MLLT3: variants seen among roughly 807,000 people sequenced by gnomAD.
MLLT3 encodes protein AF-9.
Under a neutral mutation model 53.2 loss-of-function variants are expected in MLLT3, and 4 were observed. The observed-to-expected ratio is 0.08, with a 90% CI of 0.04 to 0.17. The LOEUF is 0.17. Among genes scored for constraint, MLLT3 ranks in the 10% least tolerant of loss-of-function variants. The probability of loss-of-function intolerance (pLI) is 1.00; values close to 1 mark genes in which losing one functional copy is unlikely to be tolerated. For synonymous variants in MLLT3, 283 were observed against 230.6 expected, an observed-to-expected ratio of 1.23 and a Z score of -2.06; for missense variants, 569 against 684.0, an observed-to-expected ratio of 0.83 and a Z score of 1.87.
intron 2 of MLLT3, among the ~76,000 whole-genome samples, chr9:20,509,859 G>C (rs1587007827): frequency 6.8e-6 from 1 of 146,810 alleles, no homozygotes; most frequent in East Asian, 2.0e-4. Flanking sequence ...ATAATGATCA[G>C]GGTACAATTA....
chr9:20,509,575 TG>T (rs1825473612), intron 2 of MLLT3, among the ~76,000 whole-genome samples: 1 of 152,210 alleles, frequency 6.6e-6, no homozygotes, highest in Non-Finnish European at 1.5e-5. Flanking sequence ...CTTGAGGTTT[TG>T]GCTTTTGTTT....
intron 2 of MLLT3, among the ~76,000 whole-genome samples, chr9:20,532,368 A>C (rs1486926302): frequency 6.6e-6 from 1 of 152,214 alleles, no homozygotes; most frequent in Non-Finnish European, 1.5e-5. Flanking sequence ...AACAACTGTG[A>C]AAATTTGTGG....
At chr9:20,601,163 C>G (rs1820412434) in intron 2 of MLLT3, among the ~76,000 whole-genome samples, 1 of 152,050 alleles carries the variant, frequency 6.6e-6, no homozygotes, top group African/African-American at 2.4e-5. Context: ...TCACTTTGGG[C>G]TACCCACTTA....
In MLLT3 at chr9:20,346,394, CCAA is replaced by C; in HGVS notation, c.*46_*48del. 2 of 1,208,550 alleles carry C rather than the reference CCAA, an allele frequency of 1.7e-6. No homozygotes were observed. Among genetic ancestry groups the C allele is most frequent in the South Asian group, 2.3e-5 (1 of 44,166 alleles). The allele number at this position is 1,208,550 out of a possible 1,614,324, so 74.9% of individuals were successfully genotyped here. On this transcript the variant is annotated 3_prime_UTR_variant, in exon 11 of 11. Transcript: ENST00000380338. Reference sequence around the variant, plus strand: ...AAATCACAACCAAAAAAAAAAAAAACCAAAAAAAAAAAACACAATAGTTCTTGA... The same window carrying C: ...AAATCACAACCAAAAAAAAAAAAAACAAAAAAAAAACACAATAGTTCTTGA...
intron 10 of MLLT3, among the ~76,000 whole-genome samples, chr9:20,353,315 T>A (rs1821082912): frequency 6.6e-6 from 1 of 152,126 alleles, no homozygotes; most frequent in Non-Finnish European, 1.5e-5. Flanking sequence ...TCCACTGCAC[T>A]AGAGGAGGGA....
chr9:20,408,246 C>T (rs1207065222), intron 5 of MLLT3, among the ~76,000 whole-genome samples: 1 of 151,418 alleles, frequency 6.6e-6, no homozygotes, highest in Admixed American at 6.6e-5. Context: ...TGTACTGAAA[C>T]ACGGAAACAA....
At chr9:20,496,941 C>G (rs145342058) in intron 2 of MLLT3, among the ~76,000 whole-genome samples, 3 of 152,190 alleles carry the variant, frequency 2.0e-5, no homozygotes, top group Non-Finnish European at 4.4e-5. Context: ...CACCACTGAT[C>G]CTCCAACTTC....
intron 5 of MLLT3, among the ~76,000 whole-genome samples, chr9:20,374,064 C>G (rs1413570985): frequency 6.6e-6 from 1 of 151,868 alleles, no homozygotes; most frequent in African/African-American, 2.4e-5. Context: ...ATAATCCACT[C>G]AATTTTTAAA....
intron 2 of MLLT3, among the ~76,000 whole-genome samples, chr9:20,602,806 C>T (rs1044568855): frequency 6.7e-6 from 1 of 149,576 alleles, no homozygotes; most frequent in African/African-American, 2.5e-5. Flanking sequence ...ACAGCATATG[C>T]ACACATATAT....
intron 2 of MLLT3, among the ~76,000 whole-genome samples, chr9:20,588,429 G>T (rs907632857): frequency 2.0e-4 from 31 of 151,984 alleles, no homozygotes; most frequent in African/African-American, 7.0e-4. Flanking sequence ...AAATTACCTT[G>T]GGCAGTATGG....
In MLLT3 at chr9:20,483,698, CTTTTT is replaced by C. The variant is rs10538657; in HGVS notation, c.194-26917_194-26913del. ...ACGAGATAACACAGTCAGTAAAACT[CTTTTT>C]TTTTTTTTTTTTTTTTTTTTCCGAG... On this transcript the variant is annotated intron_variant, in intron 2 of 10. Transcript: ENST00000380338. Among the ~76,000 whole-genome samples the C allele has an allele frequency of 2.5e-3, 172 of 68,934 alleles. 2 individuals carry two copies. The highest frequency in any genetic ancestry group is 9.9e-3 in the African/African-American group (160 of 16,134). The allele number at this position is 68,934 out of a possible 152,430, so 45.2% of individuals were successfully genotyped here. A position where few individuals can be genotyped will look rare whatever the true frequency, so the allele number is the denominator to read the frequency against.
intron 2 of MLLT3, among the ~76,000 whole-genome samples, chr9:20,609,244 C>G (rs1246627228): frequency 6.6e-6 from 1 of 151,750 alleles, no homozygotes; most frequent in East Asian, 1.9e-4. Context: ...AAAAGTTATA[C>G]AGCATGTTAC....
chr9:20,467,674 G>A (rs962775724), intron 2 of MLLT3, among the ~76,000 whole-genome samples: 1 of 152,114 alleles, frequency 6.6e-6, no homozygotes, highest in Non-Finnish European at 1.5e-5. Flanking sequence ...TAGAAGCAAA[G>A]GTAACCAAAT....
chr9:20,503,941 G>T (rs1307749684), intron 2 of MLLT3, among the ~76,000 whole-genome samples: 1 of 152,078 alleles, frequency 6.6e-6, no homozygotes, highest in African/African-American at 2.4e-5. Flanking sequence ...GGCAACAGGT[G>T]TATGAAAAAA....
chr9:20,363,322 G>A (rs2118641464), intron 7 of MLLT3, 154 bp downstream of exon 7: 3 of 793,044 alleles, frequency 3.8e-6, no homozygotes, highest in Non-Finnish European at 5.9e-6. Flanking sequence ...CCTGTAAAGT[G>A]TGTGTAGGCA....
At position 20,567,318 on chromosome 9, in the gene MLLT3, A is replaced by C. The variant is rs572549811; in HGVS notation, c.193+53336T>G. On this transcript the variant is annotated intron_variant, in intron 2 of 10. Coordinates refer to ENST00000380338, the MANE Select transcript of MLLT3 (RefSeq NM_004529.4). ...ACTATATTCAGTAAAAAAAAAAAAAAAAAAAAAAAACACAAACGATTTAAC... is the reference window on the plus strand; with the variant it reads ...ACTATATTCAGTAAAAAAAAAAAAACAAAAAAAAAACACAAACGATTTAAC... Among the ~76,000 whole-genome samples, 240 of 151,020 alleles carry C rather than the reference A, an allele frequency of 1.6e-3. 1 individual carries two copies. The highest frequency in any genetic ancestry group is 5.6e-3 in the African/African-American group (230 of 41,394).
intron 2 of MLLT3, 116 bp from the exon 3 acceptor site, chr9:20,456,902 C>T: frequency 1.5e-6 from 1 of 683,108 alleles, no homozygotes; most frequent in Admixed American, 3.3e-5. Context: ...TTCATAGCCC[C>T]TTGCCAAACT....
intron 2 of MLLT3, among the ~76,000 whole-genome samples, chr9:20,516,242 G>A (rs182335213): frequency 1.1e-3 from 175 of 152,252 alleles, no homozygotes; most frequent in African/African-American, 3.9e-3. Flanking sequence ...TACACTAAAC[G>A]GCTCTCTGGT....
chr9:20,525,240 T>C (rs544033873), intron 2 of MLLT3, among the ~76,000 whole-genome samples: 5 of 151,838 alleles, frequency 3.3e-5, no homozygotes, highest in African/African-American at 4.8e-5. Context: ...CTCACGCCTG[T>C]AATCCCAGCA....
Sources: allele counts gnomAD v4.1 joint callset (sites outside exome capture counted in the v4.1 genomes callset), GRCh38; gene constraint gnomAD v4.1.1; transcripts MANE v1.5; gene names NCBI Gene and HGNC (gene_info 2026-07-23, HGNC 2026-07-21).